Variants in SLC35F3 observed in about 807,000 individuals in gnomAD.
SLC35F3 encodes the protein putative thiamine transporter SLC35F3.
SLC35F3 carries 25 observed loss-of-function variants against 49.9 expected under a neutral mutation model. That is an observed-to-expected ratio of 0.50 (90% CI 0.37 to 0.70). SLC35F3 has a LOEUF of 0.70. SLC35F3 is among the 30% of genes least tolerant of loss of function. SLC35F3 has a pLI of 0.00. For synonymous variants in SLC35F3, 275 were observed against 265.4 expected, an observed-to-expected ratio of 1.04 and a Z score of -0.35; for missense variants, 525 against 639.8, an observed-to-expected ratio of 0.82 and a Z score of 1.94.
intron 2 of SLC35F3, among the ~76,000 whole-genome samples, chr1:233,916,979 C>T (rs1039659211): frequency 1.4e-5 from 2 of 146,146 alleles, no homozygotes; most frequent in Non-Finnish European, 3.0e-5. Context: ...ATTCCTTCTT[C>T]ATTCAGTCAT....
Position 234,214,109 on chromosome 1 carries a change from T to A in SLC35F3, c.284-17308T>A. The A allele has an allele frequency of 4.1e-6, 4 of 983,128 alleles. No homozygotes were observed. Among genetic ancestry groups the A allele is most frequent in the Non-Finnish European group, 4.9e-6 (4 of 818,552 alleles). The allele number at this position is 983,128 out of a possible 1,614,324, so 60.9% of individuals were successfully genotyped here. On this transcript the variant is annotated intron_variant, in intron 2 of 7. Transcript: ENST00000366618. This position sits in a 1 kb window ranked among gnomAD's most constrained non-coding sequence, Gnocchi z 8.0. ...GTGGCCAGAGGCTGCAGTCAGGACC[T>A]GGCTGGGAGGAAGACAGGGATGAGG...
At chr1:234,009,563 T>G (rs1290701578) in intron 2 of SLC35F3, among the ~76,000 whole-genome samples, 1 of 152,210 alleles carries the variant, frequency 6.6e-6, no homozygotes, top group Non-Finnish European at 1.5e-5. Context: ...GGGGTTATAA[T>G]GTACCTCCCA....
chr1:234,160,249 TCTTCCA>T (rs1340484046), intron 2 of SLC35F3, among the ~76,000 whole-genome samples: 1 of 152,200 alleles, frequency 6.6e-6, no homozygotes, highest in African/African-American at 2.4e-5. Context: ...CCCCTGCTCT[TCTTCCA>T]CTGCCGTTAA....
At chr1:234,129,820 TG>T (rs1422056667) in intron 2 of SLC35F3, among the ~76,000 whole-genome samples, 3 of 152,212 alleles carry the variant, frequency 2.0e-5, no homozygotes, top group East Asian at 3.8e-4. Context: ...ACGGAAAGAA[TG>T]TTTTTTTAAT....
At chr1:234,170,802 C>G (rs1490967955) in intron 2 of SLC35F3, among the ~76,000 whole-genome samples, 2 of 151,518 alleles carry the variant, frequency 1.3e-5, no homozygotes, top group Non-Finnish European at 2.9e-5. Flanking sequence ...ACAAGAAGTA[C>G]TTAACGGTTG....
In SLC35F3 at chr1:234,006,576, G is replaced by A. The variant is rs532759770; in HGVS notation, c.283+100818G>A. On this transcript the variant is annotated intron_variant, in intron 2 of 7. Transcript: ENST00000366618. ...CATGTGTGATACTAAAGTATATGGT[G>A]TGTGCCTCAGTTTCCCCTACTTTTC... Among the ~76,000 whole-genome samples the A allele has an allele frequency of 3.3e-5, 5 of 152,350 alleles. No individual in the cohort carries two copies. In the South Asian group the frequency reaches 1.0e-3, roughly 32 times the overall value.
intron 2 of SLC35F3, among the ~76,000 whole-genome samples, chr1:233,942,519 T>G (rs935755728): frequency 2.0e-5 from 3 of 152,138 alleles, no homozygotes; most frequent in Admixed American, 1.3e-4. Flanking sequence ...CCTCCTGGGC[T>G]CAAATAATTC....
chr1:234,295,998 C>A (rs946067408), intron 3 of SLC35F3, among the ~76,000 whole-genome samples: 1 of 152,226 alleles, frequency 6.6e-6, no homozygotes, highest in Non-Finnish European at 1.5e-5. Context: ...ATTCCTGGTT[C>A]ATCTCTTGAC....
rs562753981 is a variant in SLC35F3, at chr1:233,912,909, T to C, written c.283+7151T>C. Among the ~76,000 whole-genome samples the C allele has an allele frequency of 2.2e-4, 34 of 152,358 alleles. 1 individual carries two copies. The South Asian group carries it at 6.0e-3, about 27-fold the overall frequency. ...TGGAAAAGGGAGGACTCTTCCAATG[T>C]CTGTACAGCTGGCATCTATTAATGC... On this transcript the variant is annotated intron_variant, in intron 2 of 7. Transcript: ENST00000366618.
chr1:234,222,411 G>C (rs952816862), intron 2 of SLC35F3, among the ~76,000 whole-genome samples: 2 of 152,176 alleles, frequency 1.3e-5, no homozygotes, highest in African/African-American at 4.8e-5. Context: ...GATGCATAAC[G>C]ACTCTGCTGA....
At chr1:233,907,056 A>G (rs1361053865) in intron 2 of SLC35F3, among the ~76,000 whole-genome samples, 1 of 152,202 alleles carries the variant, frequency 6.6e-6, no homozygotes, top group Non-Finnish European at 1.5e-5. Flanking sequence ...TGGGCATGGG[A>G]TAACAAAAAT....
At chr1:234,177,572 A>G (rs1666495538) in intron 2 of SLC35F3, among the ~76,000 whole-genome samples, 1 of 152,224 alleles carries the variant, frequency 6.6e-6, no homozygotes, top group South Asian at 2.1e-4. Context: ...AGACGGCTTT[A>G]CTACACTTAC....
chr1:234,160,488 C>T (rs1250831919), intron 2 of SLC35F3, among the ~76,000 whole-genome samples: 1 of 152,214 alleles, frequency 6.6e-6, no homozygotes, highest in Non-Finnish European at 1.5e-5. Flanking sequence ...AGAGACTTCA[C>T]TTGTGGACTT....
At chr1:234,243,247 C>T (rs1360477839) in intron 3 of SLC35F3, among the ~76,000 whole-genome samples, 4 of 151,956 alleles carry the variant, frequency 2.6e-5, no homozygotes, top group African/African-American at 7.3e-5. Context: ...TCCAGCTACT[C>T]GGGAGGTTGA....
At chr1:234,238,363 C>T (rs138615953) in intron 3 of SLC35F3, among the ~76,000 whole-genome samples, 326 of 152,214 alleles carry the variant, frequency 2.1e-3, no homozygotes, top group Non-Finnish European at 2.4e-3. Context: ...TAATGGGCAC[C>T]GGTGTCAGCA....
At chr1:234,088,581 C>T in intron 2 of SLC35F3, among the ~76,000 whole-genome samples, 1 of 152,136 alleles carries the variant, frequency 6.6e-6, no homozygotes, top group South Asian at 2.1e-4. Context: ...CATTTATTTG[C>T]TAACTCAATA....
intron 2 of SLC35F3, among the ~76,000 whole-genome samples, chr1:233,965,082 T>C (rs1308643247): frequency 2.0e-5 from 3 of 152,222 alleles, no homozygotes; most frequent in African/African-American, 7.2e-5. Flanking sequence ...TAAGCCTTTG[T>C]TTATACCCTG....
rs1378271848 is a variant in SLC35F3, at chr1:233,955,375, A to G, written c.283+49617A>G. 2.0e-5 allele frequency among the ~76,000 whole-genome samples: 3 copies of G among 152,110 alleles called. No homozygotes were observed. The South Asian group carries it at 6.2e-4, about 32-fold the overall frequency. ...ACTGCTCTTCCTCCCTGCAACCCCC[A>G]GCGTATGCCCCAATCTGGTGAATGT... On this transcript the variant is annotated intron_variant, in intron 2 of 7. Transcript: ENST00000366618.
intron 2 of SLC35F3, among the ~76,000 whole-genome samples, chr1:234,143,368 A>G (rs573461598): frequency 2.7e-5 from 4 of 147,130 alleles, no homozygotes; most frequent in East Asian, 4.2e-4. Flanking sequence ...GGCTCATTGC[A>G]ATCTCCGCCT....
Sources: gnomAD v4.1 joint callset for allele counts (sites outside exome capture counted in the v4.1 genomes callset) on GRCh38, gnomAD v4.1.1 for gene constraint, Gnocchi (gnomAD v3.1) non-coding constraint, MANE v1.5 for transcripts, NCBI Gene and HGNC (gene_info 2026-07-23, HGNC 2026-07-21) for gene names.